Variants in ZNF143 observed in about 807,000 individuals in gnomAD.
ZNF143 encodes SPH-binding factor.
A neutral mutation model predicts 74.1 loss-of-function variants in ZNF143; 49 were observed. That is an observed-to-expected ratio of 0.66 (90% confidence interval 0.53 to 0.84). ZNF143 has a LOEUF of 0.84. Among genes scored for constraint, ZNF143 ranks in the 40% least tolerant of loss-of-function variants. ZNF143 has a pLI of 0.00. For missense variants in ZNF143, 637 were observed against 793.4 expected, an observed-to-expected ratio of 0.80 and a Z score of 2.37; for synonymous variants, 304 against 282.8, an observed-to-expected ratio of 1.07 and a Z score of -0.75.
intron 7 of ZNF143, 94 bp downstream of exon 7, chr11:9,479,640 T>C: frequency 2.1e-6 from 2 of 968,990 alleles, no homozygotes; most frequent in Non-Finnish European, 1.5e-6. Context: ...ACTACCTCTC[T>C]AGGAAAATCT....
chr11:9,484,353 C>T (rs1178567284), intron 7 of ZNF143, among the ~76,000 whole-genome samples: 1 of 150,904 alleles, frequency 6.6e-6, no homozygotes, highest in African/African-American at 2.5e-5. Flanking sequence ...GCCACCATGC[C>T]CGGCTAATTT....
At chr11:9,509,998 C>A (rs1182598499) in intron 12 of ZNF143, among the ~76,000 whole-genome samples, 1 of 152,034 alleles carries the variant, frequency 6.6e-6, no homozygotes, top group Non-Finnish European at 1.5e-5. Context: ...ACTGCTGAGT[C>A]TTTTTAGTTA....
In ZNF143 at chr11:9,525,397, A is replaced by G; in HGVS notation, c.1833+11A>G. 6.2e-7 allele frequency: 1 copy of G among 1,614,004 alleles called. No homozygotes were observed. The highest frequency in any genetic ancestry group is 8.5e-7 in the Non-Finnish European group (1 of 1,179,936). ...CAGATTGCAGTTCAGGTGAGTACCA[A>G]GGCATACTGTCCTCAGTCGACAGCA... is the stretch of plus-strand genomic sequence containing the variant. On this transcript the variant is annotated intron_variant, in intron 15 of 15. Transcript: ENST00000396602.
chr11:9,496,641 G>C (rs182439873), intron 9 of ZNF143, among the ~76,000 whole-genome samples: 7 of 151,474 alleles, frequency 4.6e-5, no homozygotes, highest in Non-Finnish European at 7.4e-5. Flanking sequence ...CTGTCACTCA[G>C]GTTTGGGTGC....
chr11:9,484,391 A>G (rs1243980581), intron 7 of ZNF143, among the ~76,000 whole-genome samples: 3 of 150,838 alleles, frequency 2.0e-5, no homozygotes, highest in Non-Finnish European at 2.9e-5. Flanking sequence ...GAAATATTTA[A>G]AAAAATGTTT....
chr11:9,485,954 C>G lies in ZNF143; in HGVS notation c.645+6408C>G, dbSNP rs542609808. 7.3e-4 allele frequency among the ~76,000 whole-genome samples: 111 copies of G among 151,382 alleles called. 5 individuals are homozygous for G. Among genetic ancestry groups the G allele is most frequent in the African/African-American group, 2.6e-3 (105 of 40,760 alleles). On this transcript the variant is annotated intron_variant, in intron 7 of 15. Coordinates refer to ENST00000396602, the MANE Select transcript of ZNF143 (RefSeq NM_003442.6). ...TACTGAGTCTCTCACTCTATAATTA[C>G]AGAAGCTCTGCCAGTTAGGTTCCAC...
intron 1 of ZNF143, among the ~76,000 whole-genome samples, chr11:9,467,845 CAAA>C (rs971001404): frequency 1.3e-5 from 1 of 79,898 alleles, no homozygotes; most frequent in Non-Finnish European, 2.2e-5. Context: ...ACTCCATCTC[CAAA>C]AAAAAAAAAA....
intron 3 of ZNF143, chr11:9,473,693 G>T (rs1856717481): frequency 1.7e-6 from 2 of 1,193,544 alleles, no homozygotes; most frequent in South Asian, 2.6e-5. Context: ...CTGCTGTGAT[G>T]AGCCACTCTT....
intron 11 of ZNF143, among the ~76,000 whole-genome samples, chr11:9,507,263 T>C (rs1565057471): frequency 6.6e-6 from 1 of 152,216 alleles, no homozygotes; most frequent in Non-Finnish European, 1.5e-5. Flanking sequence ...ATACACACTT[T>C]CATATGTACA....
rs551850929 is a variant in ZNF143, at chr11:9,472,129, A to G, written c.113-548A>G. Among the ~76,000 whole-genome samples, 4 of 150,526 alleles carry G rather than the reference A, an allele frequency of 2.7e-5. No homozygotes were observed. In the East Asian group the frequency reaches 6.0e-4, roughly 22 times the overall value. On this transcript the variant is annotated intron_variant, in intron 2 of 15. Transcript: ENST00000396602. The stretch of plus-strand genomic sequence containing the variant: ...TTTTTAGTAGAGACAGGGTTTCACC[A>G]TGTTGCCCAGGCTGGTCTCAAACTC...
chr11:9,465,031 T>G (rs1000683847), intron 1 of ZNF143, among the ~76,000 whole-genome samples: 1 of 152,138 alleles, frequency 6.6e-6, no homozygotes, highest in Non-Finnish European at 1.5e-5. Context: ...GGAAAATTTA[T>G]AGGAATAAAA....
At chr11:9,525,531 G>A in intron 15 of ZNF143, 145 bp downstream of exon 15, 1 of 1,073,718 alleles carries the variant, frequency 9.3e-7, no homozygotes, top group East Asian at 2.6e-5. Context: ...GGAAATCGGT[G>A]TATTTGAGGT....
At chr11:9,490,960 T>C (rs1169357046) in intron 7 of ZNF143, among the ~76,000 whole-genome samples, 2 of 152,342 alleles carry the variant, frequency 1.3e-5, no homozygotes, top group South Asian at 2.1e-4. Context: ...CTCAAACTCC[T>C]GGGCTCACGC....
Position 9,525,223 on chromosome 11 carries a change from GT to G in ZNF143, c.1687-13del. The G allele has an allele frequency of 6.2e-7, 1 of 1,613,844 alleles. No individual in the cohort carries two copies. The highest frequency in any genetic ancestry group is 8.5e-7 in the Non-Finnish European group (1 of 1,179,866). Reference sequence around the variant, plus strand: ...GTTTAATTCTTTATGTGTATGGTTTGTTTTGTTTTGCTTAAGGTTGCAATTG... The same window carrying G: ...GTTTAATTCTTTATGTGTATGGTTTGTTTGTTTTGCTTAAGGTTGCAATTG... On this transcript the variant is annotated splice_polypyrimidine_tract_variant and intron_variant, in intron 14 of 15. Coordinates refer to ENST00000396602, the MANE Select transcript of ZNF143 (RefSeq NM_003442.6).
intron 7 of ZNF143, among the ~76,000 whole-genome samples, chr11:9,488,121 A>T (rs1847632791): frequency 1.3e-5 from 2 of 152,154 alleles, no homozygotes; most frequent in Admixed American, 6.6e-5. Flanking sequence ...ATGGTGGCAC[A>T]TACCTGTAGT....
chr11:9,526,648 C>T (rs541129967), intron 15 of ZNF143, among the ~76,000 whole-genome samples: 7 of 151,448 alleles, frequency 4.6e-5, no homozygotes, highest in African/African-American at 1.7e-4. Flanking sequence ...CACTATGTTG[C>T]TCAGGCTGGT....
Position 9,471,296 on chromosome 11 carries a change from T to C in ZNF143, c.-7-6T>C. On this transcript the variant is annotated splice_polypyrimidine_tract_variant and splice_region_variant and intron_variant, in intron 1 of 15. Coordinates refer to ENST00000396602, the MANE Select transcript of ZNF143 (RefSeq NM_003442.6). The stretch of plus-strand genomic sequence containing the variant: ...TTGTTCCCAAGTGTCTTTATTTTTC[T>C]TCAAGGTAGAAGATGTTGTTAGCCC... 6.3e-7 allele frequency: 1 copy of C among 1,590,542 alleles called. No homozygotes were observed. The highest frequency in any genetic ancestry group is 8.5e-7 in the Non-Finnish European group (1 of 1,171,984).
At chr11:9,511,321 G>C (rs1351174291) in intron 12 of ZNF143, among the ~76,000 whole-genome samples, 1 of 150,276 alleles carries the variant, frequency 6.7e-6, no homozygotes, top group Non-Finnish European at 1.5e-5. Flanking sequence ...TATTGAGACA[G>C]AGTCTTGCTC....
chr11:9,494,055 G>C (rs553726111), intron 7 of ZNF143, among the ~76,000 whole-genome samples: 1 of 152,276 alleles, frequency 6.6e-6, no homozygotes, highest in Admixed American at 6.5e-5. Flanking sequence ...TGCATCCAGT[G>C]AAGATGCTAC....
Sources: allele counts gnomAD v4.1 joint callset (sites outside exome capture counted in the v4.1 genomes callset), GRCh38; gene constraint gnomAD v4.1.1; transcripts MANE v1.5; gene names NCBI Gene and HGNC (gene_info 2026-07-23, HGNC 2026-07-21).